Variants in HS3ST5 observed in about 807,000 individuals in gnomAD.
HS3ST5 encodes heparan sulfate-glucosamine 3-sulfotransferase 5.
HS3ST5 carries 10 observed loss-of-function variants against 25.4 expected under a neutral mutation model. The ratio of observed to expected loss-of-function variants is 0.39; its 90% CI spans 0.24 to 0.67. The LOEUF is 0.67. HS3ST5 is among the 30% of genes least tolerant of loss of function. HS3ST5 has a pLI of 0.44. For missense variants in HS3ST5, 324 were observed against 420.7 expected, an observed-to-expected ratio of 0.77 and a Z score of 2.01; for synonymous variants, 170 against 162.4, an observed-to-expected ratio of 1.05 and a Z score of -0.36.
chr6:114,319,870 T>C (rs1775892420), intron 1 of HS3ST5, among the ~76,000 whole-genome samples: 1 of 152,122 alleles, frequency 6.6e-6, no homozygotes, highest in Non-Finnish European at 1.5e-5. Flanking sequence ...TTTGTTGTTG[T>C]TGTTAGTGGC....
intron 3 of HS3ST5, among the ~76,000 whole-genome samples, chr6:114,097,058 C>T (rs1775469018): frequency 6.6e-6 from 1 of 151,952 alleles, no homozygotes; most frequent in Admixed American, 6.6e-5. Context: ...AGAGCTTCCT[C>T]TAGTTTCCTG....
At chr6:114,135,027 G>A (rs1263949953) in intron 3 of HS3ST5, among the ~76,000 whole-genome samples, 3 of 152,194 alleles carry the variant, frequency 2.0e-5, no homozygotes, top group Non-Finnish European at 4.4e-5. Flanking sequence ...ACTTGGTGAC[G>A]CTGGTTTTCT....
At chr6:114,102,363 G>C (rs193241206) in intron 3 of HS3ST5, among the ~76,000 whole-genome samples, 61 of 152,250 alleles carry the variant, frequency 4.0e-4, no homozygotes, top group Admixed American at 9.8e-4. Flanking sequence ...CTGTCATTCG[G>C]CACTGAAATG....
chr6:114,205,593 C>T (rs1198067654), intron 2 of HS3ST5, among the ~76,000 whole-genome samples: 1 of 152,170 alleles, frequency 6.6e-6, no homozygotes, highest in Non-Finnish European at 1.5e-5. Flanking sequence ...CAATCACCAG[C>T]CCTTCCCCGC....
intron 3 of HS3ST5, among the ~76,000 whole-genome samples, chr6:114,086,238 A>G (rs529494087): frequency 1.3e-5 from 2 of 152,206 alleles, no homozygotes; most frequent in Non-Finnish European, 2.9e-5. Context: ...TAAGATAGGG[A>G]GATCACTCAG....
At chr6:114,061,910 T>C (rs1220651094) in intron 4 of HS3ST5, among the ~76,000 whole-genome samples, 1 of 152,126 alleles carries the variant, frequency 6.6e-6, no homozygotes, top group East Asian at 1.9e-4. Flanking sequence ...ATTACGCCAT[T>C]GCACTCTAGC....
At chr6:114,207,248 G>T (rs1295496613) in intron 2 of HS3ST5, among the ~76,000 whole-genome samples, 2 of 151,960 alleles carry the variant, frequency 1.3e-5, no homozygotes, top group African/African-American at 4.8e-5. Context: ...TTGTAATTCT[G>T]CAATTTAGTA....
chr6:114,174,350 C>T (rs1001088529), intron 2 of HS3ST5, among the ~76,000 whole-genome samples: 2 of 152,070 alleles, frequency 1.3e-5, no homozygotes, highest in Non-Finnish European at 2.9e-5. Context: ...TATCTCTTTA[C>T]TGGCCTGTAC....
At position 114,260,176 on chromosome 6, in the gene HS3ST5, C is replaced by G. The variant is rs558749519; in HGVS notation, c.-338-31398G>C. ...TGTTTCTCTTATTGAATAAAAACTG[C>G]AAAATTGAGTATTATTTGGTCATAA... is the stretch of plus-strand genomic sequence containing the variant. On this transcript the variant is annotated intron_variant, in intron 1 of 4. Coordinates refer to ENST00000312719, the MANE Select transcript of HS3ST5 (RefSeq NM_153612.4). Among the ~76,000 whole-genome samples the G allele has an allele frequency of 1.4e-4, 20 of 146,858 alleles. 1 individual carries two copies. The highest frequency in any genetic ancestry group is 8.9e-4 in the Admixed American group (13 of 14,654).
At chr6:114,326,138 T>C (rs1364752741) in intron 1 of HS3ST5, among the ~76,000 whole-genome samples, 1 of 152,168 alleles carries the variant, frequency 6.6e-6, no homozygotes, top group Admixed American at 6.5e-5. Context: ...CTCATGCCTA[T>C]AATCCTTTGG....
intron 3 of HS3ST5, among the ~76,000 whole-genome samples, chr6:114,150,984 T>C (rs1778422887): frequency 6.6e-6 from 1 of 152,160 alleles, no homozygotes; most frequent in Admixed American, 6.6e-5. Flanking sequence ...TTTTTACTGC[T>C]TTTTTTAAAG....
rs114329042 is a variant in HS3ST5, at chr6:114,253,956, G to A, written c.-338-25178C>T. On this transcript the variant is annotated intron_variant, in intron 1 of 4. Transcript: ENST00000312719. ...CCTTAGAGCAATTTAGAGATTGTGT[G>A]CAATGGGTAACAGGAAGAGAATGTG... 2.5e-3 allele frequency among the ~76,000 whole-genome samples: 385 copies of A among 152,262 alleles called. 2 individuals are homozygous for A. The highest frequency in any genetic ancestry group is 9.0e-3 in the African/African-American group (374 of 41,560).
At chr6:114,122,598 C>G (rs888738221) in intron 3 of HS3ST5, among the ~76,000 whole-genome samples, 13 of 152,192 alleles carry the variant, frequency 8.5e-5, no homozygotes, top group African/African-American at 3.1e-4. Context: ...TCATAGCAAT[C>G]CTTGTTAATT....
chr6:114,342,420 AGGC>A lies in HS3ST5; in HGVS notation c.-567_-565del, dbSNP rs527646640. 217 of 189,812 alleles carry A rather than the reference AGGC, an allele frequency of 1.1e-3. No individual in the cohort carries two copies. Among genetic ancestry groups the A allele is most frequent in the South Asian group, 2.9e-3 (26 of 8,854 alleles). 11.8% of individuals were successfully genotyped at this position (189,812 alleles called of 1,614,324 possible). On this transcript the variant is annotated 5_prime_UTR_variant, in exon 1 of 5. Coordinates refer to ENST00000312719, the MANE Select transcript of HS3ST5 (RefSeq NM_153612.4). The stretch of plus-strand genomic sequence containing the variant: ...TAAGACGCGAGCGGGCCCCACACGC[AGGC>A]GGCGGCGGCGGCGGCGGCGGCGGCG...
At chr6:114,233,151 C>A (rs1307600511) in intron 1 of HS3ST5, among the ~76,000 whole-genome samples, 1 of 150,734 alleles carries the variant, frequency 6.6e-6, no homozygotes, top group Non-Finnish European at 1.5e-5. Flanking sequence ...AATGAATGAA[C>A]AATTACTTTG....
At chr6:114,281,081 G>A (rs1014807241) in intron 1 of HS3ST5, among the ~76,000 whole-genome samples, 2 of 151,886 alleles carry the variant, frequency 1.3e-5, no homozygotes, top group Non-Finnish European at 2.9e-5. Context: ...ATTTAATTTT[G>A]GAATTCAGAA....
intron 4 of HS3ST5, among the ~76,000 whole-genome samples, chr6:114,061,407 T>C (rs552007805): frequency 6.6e-6 from 1 of 152,254 alleles, no homozygotes; most frequent in African/African-American, 2.4e-5. Flanking sequence ...CTCAGGAATT[T>C]TGAATTGAGA....
intron 3 of HS3ST5, chr6:114,143,796 A>G (rs1366003308): frequency 6.6e-6 from 1 of 152,424 alleles, no homozygotes; most frequent in African/African-American, 2.4e-5. Context: ...GTCCTACCTA[A>G]TAACTATTGA....
chr6:114,166,629 G>T (rs375834289), intron 3 of HS3ST5, among the ~76,000 whole-genome samples: 3 of 152,102 alleles, frequency 2.0e-5, no homozygotes, highest in Non-Finnish European at 4.4e-5. Context: ...GGGAGGGACC[G>T]TAAAAGGACC....
Sources: gnomAD v4.1 joint callset for allele counts (sites outside exome capture counted in the v4.1 genomes callset) on GRCh38, gnomAD v4.1.1 for gene constraint, MANE v1.5 for transcripts, NCBI Gene and HGNC (gene_info 2026-07-23, HGNC 2026-07-21) for gene names.